The following TTC3 variants were observed in gnomAD, a reference collection of about 807,000 sequenced individuals.
The protein encoded by TTC3 is E3 ubiquitin-protein ligase TTC3.
Under a neutral mutation model 249.6 loss-of-function variants are expected in TTC3, and 180 were observed. The observed-to-expected ratio is 0.72, with a 90% CI of 0.64 to 0.82. TTC3 has a LOEUF of 0.82. Among genes scored for constraint, TTC3 ranks in the 40% least tolerant of loss-of-function variants. The pLI, the probability that TTC3 is intolerant of heterozygous loss-of-function variation, is 0.00. For missense variants in TTC3, 2,061 were observed against 2,398.4 expected, an observed-to-expected ratio of 0.86 and a Z score of 2.94; for synonymous variants, 717 against 805.0, an observed-to-expected ratio of 0.89 and a Z score of 1.85.
At chr21:37,163,368 T>A in intron 31 of TTC3, among the ~76,000 whole-genome samples, 1 of 152,230 alleles carries the variant, frequency 6.6e-6, no homozygotes. Context: ...AACTTTTGTT[T>A]AGATGGAGTT....
exon 42 of TTC3, chr21:37,195,832 C>T (rs780554351): frequency 1.9e-6 from 3 of 1,614,120 alleles, no homozygotes; most frequent in Non-Finnish European, 2.5e-6. Flanking sequence ...GCGCTGTTGC[C>T]AGGGCCACCC....
chr21:37,084,723 G>A (rs919464103), intron 1 of TTC3, among the ~76,000 whole-genome samples: 13 of 152,148 alleles, frequency 8.5e-5, no homozygotes, highest in Admixed American at 2.6e-4. Flanking sequence ...GGCCGGGTGC[G>A]GTGGCTCACG....
rs60361476 is a variant in TTC3, at chr21:37,079,517, G to GTTTTTTT, written c.-12+6181_-12+6187dup. Among the ~76,000 whole-genome samples the GTTTTTTT allele has an allele frequency of 2.7e-4, 25 of 91,212 alleles. 1 individual carries two copies. The highest frequency in any genetic ancestry group is 3.9e-4 in the African/African-American group (8 of 20,776). 59.8% of individuals were successfully genotyped at this position (91,212 alleles called of 152,430 possible). A position where few individuals can be genotyped will look rare whatever the true frequency, so the allele number is the denominator to read the frequency against. ...GTCCTTTCATCAAGTTTATGGTATG[G>GTTTTTTT]TTTTTTTTTTTTTTTTTTTTTTTTT... On this transcript the variant is annotated intron_variant, in intron 1 of 45. Coordinates refer to ENST00000355666, the Ensembl canonical transcript of TTC3.
chr21:37,097,923 C>A (rs562365135), intron 10 of TTC3: 1 of 712,476 alleles, frequency 1.4e-6, no homozygotes, highest in African/African-American at 1.8e-5. Context: ...AGAACACATT[C>A]TCATGGTAGA....
chr21:37,159,468 G>A, intron 28 of TTC3: 1 of 513,780 alleles, frequency 1.9e-6, no homozygotes, highest in Non-Finnish European at 3.4e-6. Flanking sequence ...TACCTAGAAG[G>A]CACTCAACAT....
At chr21:37,170,396 A>G (rs1463852353) in intron 34 of TTC3, among the ~76,000 whole-genome samples, 1 of 152,220 alleles carries the variant, frequency 6.6e-6, no homozygotes, top group African/African-American at 2.4e-5. Context: ...CACTTGAAAT[A>G]GGAAAAGCAA....
intron 32 of TTC3, among the ~76,000 whole-genome samples, chr21:37,164,991 G>A (rs959350913): frequency 6.6e-6 from 1 of 152,118 alleles, no homozygotes; most frequent in Admixed American, 6.5e-5. Flanking sequence ...TTTCTTTAGA[G>A]TTGAAATGCT....
intron 35 of TTC3, 116 bp from the exon 36 acceptor site, chr21:37,182,658 C>G (rs1175066892): frequency 9.3e-7 from 1 of 1,078,896 alleles, no homozygotes; most frequent in Non-Finnish European, 1.3e-6. Context: ...GGAGTGTGTT[C>G]CACTGAACTT....
chr21:37,094,976 A>G (rs898737915), intron 8 of TTC3, among the ~76,000 whole-genome samples: 5 of 152,084 alleles, frequency 3.3e-5, no homozygotes, highest in Non-Finnish European at 7.4e-5. Flanking sequence ...TCTACAAAAA[A>G]TTTTTAAAAA....
At chr21:37,168,856 G>A (rs770630548) in intron 34 of TTC3, among the ~76,000 whole-genome samples, 15 of 152,172 alleles carry the variant, frequency 9.9e-5, no homozygotes, top group Non-Finnish European at 1.8e-4. Flanking sequence ...CCAAGATGTT[G>A]ACCAGGGCTT....
intron 1 of TTC3, among the ~76,000 whole-genome samples, chr21:37,085,517 ATGAAGT>A (rs1454915749): frequency 6.6e-6 from 1 of 152,226 alleles, no homozygotes; most frequent in Non-Finnish European, 1.5e-5. Context: ...AGAGTTCTTG[ATGAAGT>A]TGAAGAATGG....
chr21:37,195,564 C>A, intron 41 of TTC3, 111 bp from the exon 42 acceptor site: 1 of 1,421,004 alleles, frequency 7.0e-7, no homozygotes, highest in Non-Finnish European at 9.5e-7. Context: ...GTTTCCTGTG[C>A]ACGGAGCCTC....
rs1173126507 is a variant in TTC3 at position 37,122,923 on chromosome 21, A to G, written c.1064-60A>G. 3.2e-6 allele frequency: 5 copies of G among 1,568,898 alleles called. No homozygotes were observed. In the African/African-American group the frequency reaches 5.4e-5, roughly 17 times the overall value. On this transcript the variant is annotated intron_variant, in intron 12 of 45. Transcript: ENST00000355666. ...GCTTAAAGTAAATTTGAAATCTTTTAAAGTCTGTGTTGCCAATCCATTGAT... is the reference window on the plus strand; with the variant it reads ...GCTTAAAGTAAATTTGAAATCTTTTGAAGTCTGTGTTGCCAATCCATTGAT...
chr21:37,114,425 C>T (rs1412644938), intron 11 of TTC3, among the ~76,000 whole-genome samples: 1 of 152,168 alleles, frequency 6.6e-6, no homozygotes. Context: ...CCAACAGACA[C>T]ATGAAAAAAT....
intron 42 of TTC3, among the ~76,000 whole-genome samples, chr21:37,197,061 G>T (rs2084990718): frequency 6.6e-6 from 1 of 152,236 alleles, no homozygotes; most frequent in African/African-American, 2.4e-5. Flanking sequence ...CGGATCAAAG[G>T]ACTCTATGCT....
rs1220332021 is a variant in TTC3, at chr21:37,150,051, TTG to T, written c.2119-25_2119-24del. 6 of 1,473,616 alleles carry T rather than the reference TTG, an allele frequency of 4.1e-6. No homozygotes were observed. The African/African-American group carries it at 9.0e-5, about 22-fold the overall frequency. 91.3% of individuals were successfully genotyped at this position (1,473,616 alleles called of 1,614,324 possible). On this transcript the variant is annotated intron_variant, in intron 23 of 45. Transcript: ENST00000355666. ...ATCCCCCCTAGACATAACATTTTTC[TTG>T]TTTTTTTTTTTTTTAATCAAATAGG...
chr21:37,091,782 C>T (rs770073268), intron 7 of TTC3, among the ~76,000 whole-genome samples: 2 of 152,068 alleles, frequency 1.3e-5, no homozygotes, highest in African/African-American at 2.4e-5. Flanking sequence ...AGGGTTTCAC[C>T]GTGTTCACCA....
intron 11 of TTC3, among the ~76,000 whole-genome samples, chr21:37,114,734 T>C (rs1273516866): frequency 6.6e-6 from 1 of 152,094 alleles, no homozygotes; most frequent in Non-Finnish European, 1.5e-5. Flanking sequence ...CATGCACACA[T>C]ATGTTTATTG....
chr21:37,189,109 A>G (rs2083662510), intron 39 of TTC3, among the ~76,000 whole-genome samples: 1 of 152,242 alleles, frequency 6.6e-6, no homozygotes, highest in African/African-American at 2.4e-5. Context: ...CACATTTTCA[A>G]GGCTTTTAAA....
Sources: gnomAD v4.1 joint callset for allele counts (sites outside exome capture counted in the v4.1 genomes callset) on GRCh38, gnomAD v4.1.1 for gene constraint, MANE v1.5 for transcripts, NCBI Gene and HGNC (gene_info 2026-07-23, HGNC 2026-07-21) for gene names.